Variants in LPAR1 observed in about 807,000 individuals in gnomAD.
LPAR1 encodes the protein lysophosphatidic acid receptor 1.
Under a neutral mutation model 23.8 loss-of-function variants are expected in LPAR1, and 5 were observed. That is an observed-to-expected ratio of 0.21 (90% CI 0.11 to 0.44). The LOEUF (loss-of-function observed/expected upper bound fraction) is 0.44, where lower values mean the gene tolerates loss of function less well. Among genes scored for constraint, LPAR1 ranks in the 20% least tolerant of loss-of-function variants. The probability of loss-of-function intolerance (pLI) is 0.99; values close to 1 mark genes in which losing one functional copy is unlikely to be tolerated. For missense variants in LPAR1, 311 were observed against 482.8 expected (o/e 0.64, Z 3.33); for synonymous variants, 160 against 164.7 (o/e 0.97, Z 0.22).
rs140422332 is a variant in LPAR1, at chr9:110,909,185, C to T, written c.793+32236G>A. ...TCAGGGAGATGGATTTGAGTCTGAG[C>T]TCCCATCTCCTCAGCTGCAGCACCC... On this transcript the variant is annotated intron_variant, in intron 5 of 5. Coordinates refer to ENST00000683809, the MANE Select transcript of LPAR1 (RefSeq NM_001351411.2). Among the ~76,000 whole-genome samples the T allele has an allele frequency of 2.6e-4, 40 of 152,310 alleles. No homozygotes were observed. The East Asian group carries it at 7.7e-3, about 29-fold the overall frequency.
intron 4 of LPAR1, among the ~76,000 whole-genome samples, chr9:110,949,312 G>C (rs967536378): frequency 4.6e-5 from 7 of 152,164 alleles, no homozygotes; most frequent in African/African-American, 1.7e-4. Context: ...CCCCAGAACA[G>C]TTCACAGCAG....
At chr9:110,923,659 T>C (rs1210799301) in intron 5 of LPAR1, among the ~76,000 whole-genome samples, 1 of 152,244 alleles carries the variant, frequency 6.6e-6, no homozygotes, top group African/African-American at 2.4e-5. Context: ...ATTTGTGTAA[T>C]AATCTCACTT....
intron 4 of LPAR1, among the ~76,000 whole-genome samples, chr9:110,970,336 G>A (rs1257235538): frequency 6.6e-6 from 1 of 152,118 alleles, no homozygotes; most frequent in Non-Finnish European, 1.5e-5. Flanking sequence ...TCAGGTAACA[G>A]GCACTAAATC....
intron 2 of LPAR1, among the ~76,000 whole-genome samples, chr9:110,990,681 C>T (rs2096876321): frequency 6.6e-6 from 1 of 151,788 alleles, no homozygotes; most frequent in East Asian, 1.9e-4. Flanking sequence ...TCATCTTTTA[C>T]CATCAAAAAC....
At chr9:111,015,582 G>C (rs2097428054) in intron 2 of LPAR1, among the ~76,000 whole-genome samples, 1 of 152,120 alleles carries the variant, frequency 6.6e-6, no homozygotes, top group Admixed American at 6.5e-5. Flanking sequence ...GGGAGTTGTT[G>C]ATCAAAGGGC....
At chr9:110,910,058 T>C (rs1261512678) in intron 5 of LPAR1, among the ~76,000 whole-genome samples, 1 of 152,114 alleles carries the variant, frequency 6.6e-6, no homozygotes, top group African/African-American at 2.4e-5. Context: ...CCAAATGTTA[T>C]TTTTAGAGCA....
intron 5 of LPAR1, among the ~76,000 whole-genome samples, chr9:110,923,038 G>A (rs2093748402): frequency 6.6e-6 from 1 of 151,514 alleles, no homozygotes; most frequent in Non-Finnish European, 1.5e-5. Context: ...TCCTCTCTGT[G>A]TCCATGCTTT....
chr9:110,961,617 C>CAAAA (rs57773067), intron 4 of LPAR1, among the ~76,000 whole-genome samples: 80 of 79,422 alleles, frequency 1.0e-3, no homozygotes, highest in Non-Finnish European at 1.3e-3. Flanking sequence ...GAGACTATCT[C>CAAAA]AAAAAAAAAA....
intron 2 of LPAR1, among the ~76,000 whole-genome samples, chr9:111,024,220 T>A (rs1397748734): frequency 1.3e-5 from 2 of 151,892 alleles, no homozygotes; most frequent in Non-Finnish European, 2.9e-5. Context: ...ACTGGCCAGA[T>A]AAATCTGAAG....
chr9:110,985,938 G>A (rs1303880284), intron 2 of LPAR1, among the ~76,000 whole-genome samples: 3 of 152,004 alleles, frequency 2.0e-5, no homozygotes, highest in African/African-American at 7.3e-5. Flanking sequence ...TCAAGGGAGT[G>A]TGATCACTCA....
chr9:110,983,606 G>A (rs1359519380), intron 2 of LPAR1, among the ~76,000 whole-genome samples: 3 of 151,924 alleles, frequency 2.0e-5, no homozygotes, highest in Admixed American at 6.6e-5. Context: ...TAACACTACT[G>A]AACTGTACAT....
intron 2 of LPAR1, among the ~76,000 whole-genome samples, chr9:110,982,702 G>A (rs184069990): frequency 8.0e-5 from 12 of 150,612 alleles, no homozygotes; most frequent in Admixed American, 4.6e-4. Flanking sequence ...CAACATAATC[G>A]GCATACTTGA....
chr9:111,037,419 C>T (rs942506105), intron 1 of LPAR1, among the ~76,000 whole-genome samples: 13 of 152,206 alleles, frequency 8.5e-5, no homozygotes, highest in African/African-American at 3.1e-4. Flanking sequence ...TGCCTTCACT[C>T]TTAACATTGC....
At chr9:110,978,885 A>C (rs2096612459) in intron 2 of LPAR1, among the ~76,000 whole-genome samples, 1 of 152,228 alleles carries the variant, frequency 6.6e-6, no homozygotes, top group African/African-American at 2.4e-5. Flanking sequence ...ACAGAAGTAG[A>C]GAGCAAAGTG....
chr9:110,936,505 C>T (rs1410665522), intron 5 of LPAR1, among the ~76,000 whole-genome samples: 4 of 152,142 alleles, frequency 2.6e-5, no homozygotes, highest in Admixed American at 2.6e-4. Context: ...AGACAAGTTA[C>T]TTAACCTATC....
intron 5 of LPAR1, among the ~76,000 whole-genome samples, chr9:110,918,351 T>G (rs1413234979): frequency 1.3e-5 from 2 of 152,192 alleles, no homozygotes; most frequent in Non-Finnish European, 2.9e-5. Flanking sequence ...GCATGTTTCC[T>G]ATACCAAAAA....
chr9:110,899,143 A>G (rs1304852301), intron 5 of LPAR1, among the ~76,000 whole-genome samples: 8 of 152,252 alleles, frequency 5.3e-5, no homozygotes, highest in Non-Finnish European at 1.2e-4. Flanking sequence ...TTACACATCA[A>G]GAATCAGAAT....
At chr9:110,963,425 T>C (rs1393708900) in intron 4 of LPAR1, among the ~76,000 whole-genome samples, 1 of 152,234 alleles carries the variant, frequency 6.6e-6, no homozygotes. Flanking sequence ...TGGCAATACG[T>C]TGGAGTTTTC....
At chr9:111,035,779 A>G (rs1192887738) in intron 2 of LPAR1, among the ~76,000 whole-genome samples, 3 of 152,214 alleles carry the variant, frequency 2.0e-5, no homozygotes, top group Non-Finnish European at 2.9e-5. Context: ...ACCTCAAACT[A>G]AATTCTGAAA....
Sources: gnomAD v4.1 joint callset for allele counts (sites outside exome capture counted in the v4.1 genomes callset) on GRCh38, gnomAD v4.1.1 for gene constraint, MANE v1.5 for transcripts, NCBI Gene and HGNC (gene_info 2026-07-23, HGNC 2026-07-21) for gene names.